DAG1: variants seen among roughly 807,000 people sequenced by gnomAD.
The protein encoded by DAG1 is dystroglycan 1 (dystrophin-associated glycoprotein 1).
In DAG1, 8 loss-of-function variants were observed where a neutral mutation model predicts 46.1. That is an observed-to-expected ratio of 0.17 (90% CI 0.10 to 0.31). The LOEUF (loss-of-function observed/expected upper bound fraction) is 0.31. Ranked by LOEUF, DAG1 falls within the 10% of genes least tolerant of loss-of-function variation. DAG1 has a pLI of 1.00. For synonymous variants in DAG1, 495 were observed against 481.8 expected (o/e 1.03, Z -0.36); for missense variants, 1,003 against 1,189.9 (o/e 0.84, Z 2.31).
chr3:49,481,223 A>C (rs1186277316), intron 1 of DAG1, among the ~76,000 whole-genome samples: 1 of 147,930 alleles, frequency 6.8e-6, no homozygotes, highest in Non-Finnish European at 1.5e-5. Flanking sequence ...CCCCGTCTCT[A>C]CTAAAAATAC....
intron 2 of DAG1, among the ~76,000 whole-genome samples, chr3:49,523,322 C>T (rs890890859): frequency 6.6e-6 from 1 of 152,188 alleles, no homozygotes; most frequent in African/African-American, 2.4e-5. Flanking sequence ...AAACAATCCT[C>T]TCGCCTTGGC....
chr3:49,497,431 C>G (rs1465028684), intron 1 of DAG1, among the ~76,000 whole-genome samples: 1 of 93,112 alleles, frequency 1.1e-5, no homozygotes. Context: ...AGCAAGACTC[C>G]GTCTCAAAAA....
upstream of DAG1, among the ~76,000 whole-genome samples, chr3:49,469,504 C>G (rs1403598681): frequency 6.6e-6 from 1 of 152,112 alleles, no homozygotes; most frequent in East Asian, 1.9e-4. Flanking sequence ...GAATGCAGGC[C>G]ACTAGGAGTG....
At chr3:49,514,135 A>G (rs886474634) in intron 2 of DAG1, among the ~76,000 whole-genome samples, 1 of 152,122 alleles carries the variant, frequency 6.6e-6, no homozygotes, top group East Asian at 1.9e-4. Context: ...ACAGATGAAG[A>G]TGTGTGACTC....
At position 49,492,601 on chromosome 3, in the gene DAG1, C is replaced by T. The variant is rs75080014; in HGVS notation, c.-116-17818C>T. ...GGGTGAGGCTGCAGTGAGCCATCAT[C>T]GTGTCATTGCACTCCAGCCCAGGTA... On this transcript the variant is annotated intron_variant, in intron 1 of 2. Coordinates refer to ENST00000308775, the MANE Select transcript of DAG1 (RefSeq NM_004393.6). 4 of 152,140 alleles carry T rather than the reference C, an allele frequency of 2.6e-5. No homozygotes were observed. The East Asian group carries it at 7.7e-4, about 29-fold the overall frequency. The allele number at this position is 152,140 out of a possible 1,614,324, so 9.4% of individuals were successfully genotyped here.
At position 49,533,117 on chromosome 3, in the gene DAG1, TCACAG is replaced by T; in HGVS notation, c.2610_2614del (p.Ala871HisfsTer99). On this transcript the variant is annotated frameshift_variant, in exon 3 of 3. Coordinates refer to ENST00000308775, the MANE Select transcript of DAG1 (RefSeq NM_004393.6). LOFTEE classifies it high-confidence loss of function. ...CCTCCCTACCAGCCCCCACCGCCCT[TCACAG>T]CACCCATGGAGGGCAAGGGCTCCCG... 6.2e-7 allele frequency: 1 copy of T among 1,614,096 alleles called. No individual in the cohort carries two copies. Among genetic ancestry groups the T allele is most frequent in the Non-Finnish European group, 8.5e-7 (1 of 1,180,012 alleles).
chr3:49,509,128 A>G (rs577257463), intron 1 of DAG1, among the ~76,000 whole-genome samples: 1 of 152,294 alleles, frequency 6.6e-6, no homozygotes, highest in South Asian at 2.1e-4. Context: ...TTTAAAAAGT[A>G]AATCCAGAAT....
At chr3:49,510,919 C>G in intron 2 of DAG1, 100 bp downstream of exon 2, 1 of 1,548,800 alleles carries the variant, frequency 6.5e-7, no homozygotes, top group Non-Finnish European at 8.7e-7. Flanking sequence ...CAATTCTGAG[C>G]TCAGTTCTTC....
intron 1 of DAG1, among the ~76,000 whole-genome samples, chr3:49,497,111 C>T (rs920531149): frequency 1.3e-5 from 2 of 148,230 alleles, no homozygotes; most frequent in Non-Finnish European, 3.0e-5. Flanking sequence ...CCAGCCTGGG[C>T]AACATAGTGA....
Position 49,530,797 on chromosome 3 carries a change from G to A in DAG1, c.286G>A (p.Val96Ile). ...LIASSGDIIK[V>I]SAAGKEALPS... The stretch of plus-strand genomic sequence containing the variant: ...TAATTTATGCTTGTGTCTCTTCTAG[G>A]TATCAGCGGCAGGGAAGGAGGCTTT... The change falls in exon 3 of 3, where the codon GTA (valine) becomes ATA (isoleucine). Residue 96 changes from valine to isoleucine, a missense_variant and splice_region_variant. Physicochemically the swap from Val to Ile is conservative, Grantham distance 29. This residue lies in a region of DAG1 where 196 missense variants were observed against 239.1 expected (regional missense o/e 0.82). Transcript: ENST00000308775. 1 of 1,614,196 alleles carries A rather than the reference G, an allele frequency of 6.2e-7. No homozygotes were observed. The highest frequency in any genetic ancestry group is 1.1e-5 in the South Asian group (1 of 91,086).
intron 2 of DAG1, among the ~76,000 whole-genome samples, chr3:49,517,473 G>A (rs764543145): frequency 6.6e-6 from 1 of 152,212 alleles, no homozygotes; most frequent in Admixed American, 6.5e-5. Context: ...CTGCAGGGCT[G>A]TGGAAGAGAG....
chr3:49,470,953 T>C (rs2049502879), intron 1 of DAG1: 1 of 152,260 alleles, frequency 6.6e-6, no homozygotes. Context: ...CTTTTCACTT[T>C]GTATTTGGCA....
chr3:49,478,295 A>AAAAGTGG (rs1053562540), intron 1 of DAG1, among the ~76,000 whole-genome samples: 2 of 150,416 alleles, frequency 1.3e-5, no homozygotes, highest in Non-Finnish European at 3.0e-5. Context: ...AAAAAGAAAA[A>AAAAGTGG]AAAGTGGAAA....
At chr3:49,472,266 G>C (rs550096197) in intron 1 of DAG1, among the ~76,000 whole-genome samples, 1 of 152,232 alleles carries the variant, frequency 6.6e-6, no homozygotes, top group Admixed American at 6.5e-5. Flanking sequence ...CATCAGAAAA[G>C]AGAGACTGAA....
At position 49,478,712 on chromosome 3, in the gene DAG1, C is replaced by G. The variant is rs1031922066; in HGVS notation, c.-117+8279C>G. On this transcript the variant is annotated intron_variant, in intron 1 of 2. Transcript: ENST00000308775. ...AGGCTGCAGTGAGCTTTCATCACAG[C>G]AAATCACACCACTGCACTCCAGACT... Among the ~76,000 whole-genome samples the G allele has an allele frequency of 3.4e-5, 5 of 148,804 alleles. No homozygotes were observed. In the East Asian group the frequency reaches 7.8e-4, roughly 23 times the overall value.
At chr3:49,475,831 G>A (rs981757553) in intron 1 of DAG1, among the ~76,000 whole-genome samples, 3 of 151,744 alleles carry the variant, frequency 2.0e-5, no homozygotes, top group Admixed American at 6.6e-5. Context: ...GGCCTCCCGA[G>A]TAGCTGGGAC....
chr3:49,494,179 A>G lies in DAG1; in HGVS notation c.-116-16240A>G, dbSNP rs574447423. 1.2e-4 allele frequency among the ~76,000 whole-genome samples: 19 copies of G among 152,322 alleles called. No individual in the cohort carries two copies. In the South Asian group the frequency reaches 3.7e-3, roughly 30 times the overall value. The stretch of plus-strand genomic sequence containing the variant: ...GGTGAAATATTTTTGATGGTTGAGC[A>G]TTAAGAATGTAGCCAAAAACAAGAA... On this transcript the variant is annotated intron_variant, in intron 1 of 2. Transcript: ENST00000308775.
At chr3:49,510,355 G>T (rs982089876) in intron 1 of DAG1, 64 bp from the exon 2 acceptor site, 9 of 649,172 alleles carry the variant, frequency 1.4e-5, no homozygotes, top group South Asian at 5.4e-5. Context: ...AACTCCTGGA[G>T]GATAGTATGT....
intron 1 of DAG1, among the ~76,000 whole-genome samples, chr3:49,473,131 A>G (rs1030839775): frequency 7.1e-6 from 1 of 140,700 alleles, no homozygotes; most frequent in Non-Finnish European, 1.5e-5. Flanking sequence ...AAACAAAACA[A>G]CTGGCCAGGC....
Sources: allele counts gnomAD v4.1 joint callset (sites outside exome capture counted in the v4.1 genomes callset), GRCh38; gene constraint gnomAD v4.1.1; regional missense constraint gnomAD v4.1.1; transcripts MANE v1.5; gene names NCBI Gene and HGNC (gene_info 2026-07-23, HGNC 2026-07-21).